RBFOX1: variants seen among roughly 807,000 people sequenced by gnomAD.
The protein encoded by RBFOX1 is RNA binding protein fox-1 homolog 1.
In RBFOX1, 8 loss-of-function variants were observed where a neutral mutation model predicts 57.7. The observed-to-expected ratio is 0.14, with a 90% CI of 0.08 to 0.25. The LOEUF is 0.25. RBFOX1 is among the 10% of genes least tolerant of loss of function. RBFOX1 has a pLI of 1.00. For synonymous variants in RBFOX1, 326 were observed against 222.4 expected, an observed-to-expected ratio of 1.47 and a Z score of -4.15; for missense variants, 611 against 548.5, an observed-to-expected ratio of 1.11 and a Z score of -1.14.
chr16:5,869,732 A>G (rs2057423658), intron 4 of RBFOX1, among the ~76,000 whole-genome samples: 1 of 152,138 alleles, frequency 6.6e-6, no homozygotes, highest in South Asian at 2.1e-4. Flanking sequence ...TCCTCATTTT[A>G]CCTGTTGAAA....
At chr16:7,548,494 G>T (rs1048247989) in intron 5 of RBFOX1, among the ~76,000 whole-genome samples, 4 of 152,152 alleles carry the variant, frequency 2.6e-5, no homozygotes, top group Non-Finnish European at 2.9e-5. Flanking sequence ...ATTTGACACT[G>T]AGCACTGGGA....
intron 4 of RBFOX1, among the ~76,000 whole-genome samples, chr16:7,307,417 T>A (rs1412053028): frequency 6.6e-6 from 1 of 152,246 alleles, no homozygotes. Flanking sequence ...CTACTCTGAA[T>A]GGCCAAGTGT....
At chr16:6,952,272 G>T (rs986291042) in intron 3 of RBFOX1, among the ~76,000 whole-genome samples, 1 of 152,152 alleles carries the variant, frequency 6.6e-6, no homozygotes, top group African/African-American at 2.4e-5. Context: ...GGTTCTAAAA[G>T]AACAAACTTA....
chr16:6,506,144 A>G (rs2096082834), intron 2 of RBFOX1, among the ~76,000 whole-genome samples: 1 of 152,182 alleles, frequency 6.6e-6, no homozygotes, highest in Admixed American at 6.5e-5. Context: ...AAAAATGAGA[A>G]ACAGTTAATT....
At chr16:5,480,933 C>T (rs1332341961) in intron 2 of RBFOX1, among the ~76,000 whole-genome samples, 2 of 152,182 alleles carry the variant, frequency 1.3e-5, no homozygotes, top group Admixed American at 6.5e-5. Context: ...GCAAGGCAAT[C>T]TATGTAGTAT....
chr16:6,241,765 GT>G (rs1333292264), intron 1 of RBFOX1, among the ~76,000 whole-genome samples: 1 of 152,208 alleles, frequency 6.6e-6, no homozygotes, highest in Admixed American at 6.5e-5. Flanking sequence ...TATTAAATGA[GT>G]GTTTCAATCA....
intron 4 of RBFOX1, among the ~76,000 whole-genome samples, chr16:7,084,536 C>T (rs1039729011): frequency 1.3e-5 from 2 of 152,108 alleles, no homozygotes; most frequent in Non-Finnish European, 2.9e-5. Context: ...TGCAGCAATG[C>T]CCCAAAAGAA....
intron 3 of RBFOX1, among the ~76,000 whole-genome samples, chr16:5,819,085 T>G (rs2055752034): frequency 6.6e-6 from 1 of 152,184 alleles, no homozygotes; most frequent in African/African-American, 2.4e-5. Flanking sequence ...ATATTCTGTT[T>G]GAGCCACTAT....
At chr16:7,485,185 C>T (rs1314959242) in intron 4 of RBFOX1, among the ~76,000 whole-genome samples, 1 of 152,080 alleles carries the variant, frequency 6.6e-6, no homozygotes, top group Non-Finnish European at 1.5e-5. Context: ...CAGGTGTGTT[C>T]ACTGACCTAC....
chr16:5,347,121 C>G (rs1344633901), intron 1 of RBFOX1, among the ~76,000 whole-genome samples: 1 of 152,174 alleles, frequency 6.6e-6, no homozygotes, highest in African/African-American at 2.4e-5. Context: ...GTTGCTCATC[C>G]TCCTCCTGGC....
chr16:7,345,597 A>G (rs2096983343), intron 4 of RBFOX1, among the ~76,000 whole-genome samples: 1 of 152,118 alleles, frequency 6.6e-6, no homozygotes, highest in Non-Finnish European at 1.5e-5. Flanking sequence ...CACCCATCAT[A>G]CAGAACGCCA....
rs1158634038 is a variant in RBFOX1 at position 5,952,895 on chromosome 16, A to G, written c.351+85560A>G. ...CCTCTGCCTCTGAAAATTATGTTTC[A>G]TTAGGTTTGTGCTCAGGATCAAGAA... On this transcript the variant is annotated intron_variant, in intron 4 of 19. Coordinates refer to the RBFOX1 transcript ENST00000641259. 2.0e-5 allele frequency among the ~76,000 whole-genome samples: 3 copies of G among 152,256 alleles called. No individual in the cohort carries two copies. The East Asian group carries it at 5.8e-4, about 29-fold the overall frequency.
At chr16:5,324,881 T>G (rs2064520487) in intron 1 of RBFOX1, among the ~76,000 whole-genome samples, 1 of 152,140 alleles carries the variant, frequency 6.6e-6, no homozygotes, top group East Asian at 1.9e-4. Flanking sequence ...CTAGACTTAG[T>G]GGTACTACAC....
At chr16:7,344,465 A>G (rs894548584) in intron 4 of RBFOX1, among the ~76,000 whole-genome samples, 3 of 150,466 alleles carry the variant, frequency 2.0e-5, no homozygotes, top group African/African-American at 7.3e-5. Context: ...AAATATATAA[A>G]TATATAACTA....
chr16:6,016,968 C>T (rs2094997610), upstream of RBFOX1, among the ~76,000 whole-genome samples: 2 of 152,212 alleles, frequency 1.3e-5, no homozygotes. Context: ...AGCCATGTAG[C>T]AATACAGGTA....
intron 1 of RBFOX1, among the ~76,000 whole-genome samples, chr16:5,245,329 G>A (rs1019857646): frequency 1.3e-5 from 2 of 152,186 alleles, no homozygotes; most frequent in African/African-American, 4.8e-5. Context: ...TGGACTCATT[G>A]GCTGAGGTTG....
At position 6,447,162 on chromosome 16, in the gene RBFOX1, A is replaced by G. The variant is rs1052242793; in HGVS notation, c.-64+130105A>G. On this transcript the variant is annotated intron_variant, in intron 2 of 15. Coordinates refer to ENST00000550418, the MANE Select transcript of RBFOX1 (RefSeq NM_018723.4). ...GGTCTATTGGACTTTTTTTCCTTCAAGCGTTGCATTATGTACATTTCCTAT... is the reference window on the plus strand; with the variant it reads ...GGTCTATTGGACTTTTTTTCCTTCAGGCGTTGCATTATGTACATTTCCTAT... Among the ~76,000 whole-genome samples, 37 of 152,076 alleles carry G rather than the reference A, an allele frequency of 2.4e-4. 1 individual carries two copies. Among genetic ancestry groups the G allele is most frequent in the Non-Finnish European group, 1.9e-4 (13 of 68,014 alleles).
chr16:5,439,649 A>G (rs2068024648), intron 1 of RBFOX1, among the ~76,000 whole-genome samples: 1 of 152,162 alleles, frequency 6.6e-6, no homozygotes, highest in South Asian at 2.1e-4. Flanking sequence ...CTTTAATGAG[A>G]TGAGAAAGAC....
intron 4 of RBFOX1, among the ~76,000 whole-genome samples, chr16:7,121,922 G>A (rs1115936): frequency 0.59 from 89,370 of 151,820 alleles, 26,439 homozygotes; most frequent in East Asian, 0.71. Flanking sequence ...AATCAAAGGA[G>A]AAATGATTTT....
Sources: gnomAD v4.1 joint callset for allele counts (sites outside exome capture counted in the v4.1 genomes callset) on GRCh38, gnomAD v4.1.1 for gene constraint, MANE v1.5 for transcripts, NCBI Gene and HGNC (gene_info 2026-07-23, HGNC 2026-07-21) for gene names.